The following IL1RAPL2 variants were observed in gnomAD, a reference collection of about 807,000 sequenced individuals.
IL1RAPL2 encodes the protein X-linked interleukin-1 receptor accessory protein-like 2.
IL1RAPL2 carries 3 observed loss-of-function variants against 44.1 expected under a neutral mutation model. The observed-to-expected ratio is 0.07, with a 90% confidence interval of 0.03 to 0.18. The LOEUF is 0.18. IL1RAPL2 is among the 10% of genes least tolerant of loss of function. IL1RAPL2 has a pLI of 1.00. For missense variants in IL1RAPL2, 391 were observed against 496.4 expected, an observed-to-expected ratio of 0.79 and a Z score of 2.02; for synonymous variants, 181 against 178.8, an observed-to-expected ratio of 1.01 and a Z score of -0.10.
At chrX:105,116,793 G>T (rs950159399) in intron 2 of IL1RAPL2, among the ~76,000 whole-genome samples, 1 of 112,560 alleles carries the variant, frequency 8.9e-6, no homozygotes, top group African/African-American at 3.2e-5. Context: ...TAGAGACAAG[G>T]TTTTCATGCC....
chrX:105,593,435 C>T (rs1203751925), intron 6 of IL1RAPL2, among the ~76,000 whole-genome samples: 6 of 111,467 alleles, frequency 5.4e-5, no homozygotes, highest in South Asian at 3.7e-4. Context: ...TCTGTCTTTC[C>T]AGCCATTTCA....
At chrX:105,497,530 C>G (rs1405724069) in intron 6 of IL1RAPL2, among the ~76,000 whole-genome samples, 1 of 111,768 alleles carries the variant, frequency 8.9e-6, no homozygotes, top group Non-Finnish European at 1.9e-5. Context: ...TCCAACTTCT[C>G]TTAAACTCTT....
intron 6 of IL1RAPL2, among the ~76,000 whole-genome samples, chrX:105,659,605 C>T (rs1479095969): frequency 5.6e-5 from 6 of 106,887 alleles, no homozygotes; most frequent in African/African-American, 1.7e-4. Flanking sequence ...TGCAGTGAGC[C>T]GAGATTGCAC....
intron 5 of IL1RAPL2, among the ~76,000 whole-genome samples, chrX:105,465,284 A>G (rs2036120125): frequency 8.9e-6 from 1 of 111,966 alleles, no homozygotes; most frequent in African/African-American, 3.2e-5. Context: ...CTTGAAAGAT[A>G]TCTATGTTTT....
intron 5 of IL1RAPL2, among the ~76,000 whole-genome samples, chrX:105,479,056 A>G (rs1415277943): frequency 9.0e-6 from 1 of 111,688 alleles, no homozygotes; most frequent in Admixed American, 9.5e-5. Flanking sequence ...ATTAGCTTGG[A>G]CTGTTATTAA....
chrX:104,774,181 T>C (rs1248450278), intron 2 of IL1RAPL2, among the ~76,000 whole-genome samples: 1 of 111,798 alleles, frequency 8.9e-6, no homozygotes, highest in Non-Finnish European at 1.9e-5. Flanking sequence ...AAGTTCACAA[T>C]GAAGTGGGAG....
rs140311166 is a variant in IL1RAPL2 at position 104,787,023 on chromosome X, C to A, written c.82+128028C>A. On this transcript the variant is annotated intron_variant, in intron 2 of 10. Transcript: ENST00000372582. ...GATAGGTCCTTCTCCTTCCTTTGTA[C>A]TTTTTTGTGTATCTCAGTAATAGCA... 7.7e-3 allele frequency among the ~76,000 whole-genome samples: 699 copies of A among 91,348 alleles called. 13 individuals carry two copies. The highest frequency in any genetic ancestry group is 0.027 in the African/African-American group (657 of 24,380). 79.3% of individuals were successfully genotyped at this position (91,348 alleles called of 115,157 possible).
chrX:104,654,882 C>A (rs1569290447), intron 1 of IL1RAPL2, among the ~76,000 whole-genome samples: 1 of 110,998 alleles, frequency 9.0e-6, no homozygotes, highest in Non-Finnish European at 1.9e-5. Context: ...TTGAAGAGAT[C>A]CCTCACATCC....
chrX:105,403,942 G>A (rs1461769131), intron 5 of IL1RAPL2, among the ~76,000 whole-genome samples: 1 of 111,804 alleles, frequency 8.9e-6, no homozygotes, highest in Non-Finnish European at 1.9e-5. Flanking sequence ...AAACAAAAAT[G>A]TATTGCTGCC....
chrX:105,314,600 A>G (rs375563632), intron 5 of IL1RAPL2, among the ~76,000 whole-genome samples: 15 of 111,855 alleles, frequency 1.3e-4, no homozygotes, highest in African/African-American at 4.9e-4. Context: ...ATTTCCCAAA[A>G]GGCTGAGTCA....
At chrX:105,546,028 G>A (rs1044098640) in intron 6 of IL1RAPL2, among the ~76,000 whole-genome samples, 2 of 111,264 alleles carry the variant, frequency 1.8e-5, no homozygotes, top group Admixed American at 9.6e-5. Context: ...CTGACAACAC[G>A]GTTGGGCATG....
At position 104,694,244 on chromosome X, in the gene IL1RAPL2, T is replaced by A. The variant is rs1423505773; in HGVS notation, c.82+35249T>A. ...AAATACATCTGCCCACCCTCCTCCT[T>A]ATTTGGGAGCAGAATTCATACCAGG... On this transcript the variant is annotated intron_variant, in intron 2 of 10. Coordinates refer to ENST00000372582, the MANE Select transcript of IL1RAPL2 (RefSeq NM_017416.2). Among the ~76,000 whole-genome samples, 3 of 111,648 alleles carry A rather than the reference T, an allele frequency of 2.7e-5. No homozygotes were observed. In the South Asian group the frequency reaches 1.1e-3, roughly 42 times the overall value.
chrX:104,730,463 A>ATAAG (rs1432567671), intron 2 of IL1RAPL2, among the ~76,000 whole-genome samples: 18 of 99,846 alleles, frequency 1.8e-4, no homozygotes, highest in Non-Finnish European at 3.1e-4. Context: ...ATGAGTGAGA[A>ATAAG]CATGTGGTGT....
In IL1RAPL2 at chrX:104,648,521, A is replaced by G. The variant is rs569687841; in HGVS notation, c.-19-10374A>G. Among the ~76,000 whole-genome samples, 33 of 112,401 alleles carry G rather than the reference A, an allele frequency of 2.9e-4. No homozygotes were observed. In the South Asian group the frequency reaches 0.012, roughly 42 times the overall value. On this transcript the variant is annotated intron_variant, in intron 1 of 10. Coordinates refer to ENST00000372582, the MANE Select transcript of IL1RAPL2 (RefSeq NM_017416.2). ...ACATTAAATTTTGAGAAGACTATTGACAAACACTTTTATTGATGGAAGAAA... is the reference window on the plus strand; with the variant it reads ...ACATTAAATTTTGAGAAGACTATTGGCAAACACTTTTATTGATGGAAGAAA...
intron 5 of IL1RAPL2, among the ~76,000 whole-genome samples, chrX:105,413,151 T>G (rs960806365): frequency 8.9e-6 from 1 of 112,089 alleles, no homozygotes; most frequent in Non-Finnish European, 1.9e-5. Flanking sequence ...GAACGTATTG[T>G]TTTTATAAAA....
intron 2 of IL1RAPL2, among the ~76,000 whole-genome samples, chrX:104,694,518 GGA>G (rs1265573148): frequency 8.9e-6 from 1 of 111,818 alleles, no homozygotes; most frequent in Non-Finnish European, 1.9e-5. Context: ...TTTGTAGATG[GGA>G]GAGAGATTTT....
At chrX:105,479,429 A>G (rs1314497682) in intron 5 of IL1RAPL2, among the ~76,000 whole-genome samples, 2 of 111,229 alleles carry the variant, frequency 1.8e-5, no homozygotes, top group Non-Finnish European at 3.8e-5. Context: ...TCAATAAAAT[A>G]GAAGATAGGT....
intron 2 of IL1RAPL2, among the ~76,000 whole-genome samples, chrX:104,839,420 T>A (rs1396161966): frequency 8.9e-6 from 1 of 112,077 alleles, no homozygotes; most frequent in Non-Finnish European, 1.9e-5. Flanking sequence ...CAGCCTTGCA[T>A]CCCAGGGATG....
chrX:104,900,935 A>G (rs2055303396), intron 2 of IL1RAPL2, among the ~76,000 whole-genome samples: 1 of 111,105 alleles, frequency 9.0e-6, no homozygotes, highest in South Asian at 3.8e-4. Flanking sequence ...AAGGAGACCA[A>G]AAAGCCTCTA....
Sources: gnomAD v4.1 joint callset for allele counts (sites outside exome capture counted in the v4.1 genomes callset) on GRCh38, gnomAD v4.1.1 for gene constraint, MANE v1.5 for transcripts, NCBI Gene and HGNC (gene_info 2026-07-23, HGNC 2026-07-21) for gene names.